The following KIF21A variants were observed in gnomAD, a reference collection of about 807,000 sequenced individuals.
The protein encoded by KIF21A is kinesin family member 21A, also known as kinesin-like protein KIF21A.
A neutral mutation model predicts 202.9 loss-of-function variants in KIF21A; 114 were observed. The ratio of observed to expected loss-of-function variants is 0.56; its 90% CI spans 0.48 to 0.66. The LOEUF is 0.66. KIF21A is among the 30% of genes least tolerant of loss of function. The pLI, the probability that KIF21A is intolerant of heterozygous loss-of-function variation, is 0.00. For synonymous variants in KIF21A, 667 were observed against 670.8 expected (o/e 0.99, Z 0.09); for missense variants, 1,677 against 1,994.9 (o/e 0.84, Z 3.04).
Position 39,441,676 on chromosome 12 carries a change from A to AAAAAAAAAAAAAC in KIF21A, c.44+1250_44+1251insGTTTTTTTTTTTT, listed in dbSNP as rs1041857523. ...CCTGGGTGGTAAAAAAAAAAAAAAA[A>AAAAAAAAAAAAAC]AAAACACTTAAAAACTCATTTTATT... On this transcript the variant is annotated intron_variant, in intron 1 of 37. Transcript: ENST00000361418. Among the ~76,000 whole-genome samples, 16 of 137,374 alleles carry AAAAAAAAAAAAAC rather than the reference A, an allele frequency of 1.2e-4. 1 individual carries two copies. Among genetic ancestry groups the AAAAAAAAAAAAAC allele is most frequent in the African/African-American group, 3.1e-4 (11 of 35,794 alleles). The allele number at this position is 137,374 out of a possible 152,430, so 90.1% of individuals were successfully genotyped here.
At chr12:39,305,023 T>G in intron 34 of KIF21A, 85 bp from the exon 35 acceptor site, 1 of 725,792 alleles carries the variant, frequency 1.4e-6, no homozygotes, top group South Asian at 1.5e-5. Flanking sequence ...ATCTACATTC[T>G]TTCATAAAAT....
At position 39,370,055 on chromosome 12, in the gene KIF21A, ACTGTAGCATTGTATC is replaced by A; in HGVS notation, c.236_250del (p.Gly79_Thr83del). 1 of 1,613,250 alleles carries A rather than the reference ACTGTAGCATTGTATC, an allele frequency of 6.2e-7. No homozygotes were observed. The highest frequency in any genetic ancestry group is 8.5e-7 in the Non-Finnish European group (1 of 1,179,364). ...GGCACTTACTTGTCCATAAGCAAAA[ACTGTAGCATTGTATC>A]CTTCAAAGCAACCTTCAATTAGTTT... On this transcript the variant is annotated inframe_deletion, in exon 2 of 38. Transcript: ENST00000361418.
At chr12:39,346,836 G>T (rs1203551951) in intron 11 of KIF21A, among the ~76,000 whole-genome samples, 1 of 151,592 alleles carries the variant, frequency 6.6e-6, no homozygotes, top group African/African-American at 2.4e-5. Flanking sequence ...TCTGAAGTGG[G>T]TCAATTTACT....
At chr12:39,440,510 C>A (rs528480498) in intron 1 of KIF21A, among the ~76,000 whole-genome samples, 2 of 152,236 alleles carry the variant, frequency 1.3e-5, no homozygotes, top group South Asian at 4.1e-4. Context: ...GCACTAATCC[C>A]GGCACACAGT....
intron 2 of KIF21A, 28 bp from the exon 3 acceptor site, chr12:39,369,939 T>A (rs769730310): frequency 1.2e-6 from 2 of 1,604,014 alleles, no homozygotes; most frequent in Non-Finnish European, 1.7e-6. Flanking sequence ...GAAAGATTAG[T>A]GTTCAACCTT....
At chr12:39,360,072 T>C (rs1000280961) in intron 7 of KIF21A, among the ~76,000 whole-genome samples, 1 of 152,050 alleles carries the variant, frequency 6.6e-6, no homozygotes, top group African/African-American at 2.4e-5. Context: ...TTAAGAAGAA[T>C]AGTGAAAGTC....
At position 39,294,344 on chromosome 12, in the gene KIF21A, G is replaced by GT; in HGVS notation, c.*79dup. 9.6e-7 allele frequency: 1 copy of GT among 1,047,110 alleles called. No individual in the cohort carries two copies. The highest frequency in any genetic ancestry group is 2.4e-5 in the East Asian group (1 of 41,944). 64.9% of individuals were successfully genotyped at this position (1,047,110 alleles called of 1,614,324 possible). A position where few individuals can be genotyped will look rare whatever the true frequency, so the allele number is the denominator to read the frequency against. On this transcript the variant is annotated 3_prime_UTR_variant, in exon 38 of 38. Transcript: ENST00000361418. ...TAATCCGATTCATACGTTTTGCCTA[G>GT]TAAGTACAGGACAACATTTTCCATA...
intron 1 of KIF21A, among the ~76,000 whole-genome samples, chr12:39,436,448 A>ATATATATATATATATATATTTT (rs1387332677): frequency 1.2e-3 from 115 of 95,664 alleles, no homozygotes; most frequent in African/African-American, 2.0e-3. Context: ...ATATATATAT[A>ATATATATATATATATATATTTT]TTTTTTTTTT....
At chr12:39,383,019 T>A (rs931495494) in intron 1 of KIF21A, among the ~76,000 whole-genome samples, 4 of 152,206 alleles carry the variant, frequency 2.6e-5, no homozygotes, top group African/African-American at 4.8e-5. Flanking sequence ...TCTATTACTT[T>A]TAGGACAAAA....
At chr12:39,339,586 A>C (rs1947280251) in intron 16 of KIF21A, among the ~76,000 whole-genome samples, 1 of 152,036 alleles carries the variant, frequency 6.6e-6, no homozygotes, top group Admixed American at 6.5e-5. Context: ...TTTTATTGTT[A>C]TTTTAAGAAA....
chr12:39,336,570 CA>C (rs1946992238), intron 17 of KIF21A, among the ~76,000 whole-genome samples: 1 of 152,242 alleles, frequency 6.6e-6, no homozygotes, highest in African/African-American at 2.4e-5. Flanking sequence ...AAGAATCCTA[CA>C]GTGAAGATTT....
chr12:39,405,781 C>T (rs1369526555), intron 1 of KIF21A, among the ~76,000 whole-genome samples: 3 of 152,114 alleles, frequency 2.0e-5, no homozygotes, highest in African/African-American at 7.2e-5. Flanking sequence ...AAACAGAAGA[C>T]TGCCTGTTCA....
At chr12:39,317,554 G>A (rs1944689855) in intron 29 of KIF21A, among the ~76,000 whole-genome samples, 1 of 152,058 alleles carries the variant, frequency 6.6e-6, no homozygotes, top group Admixed American at 6.6e-5. Flanking sequence ...CTCTCCATCC[G>A]TAAAGGTGAT....
At chr12:39,388,245 A>C (rs961584626) in intron 1 of KIF21A, among the ~76,000 whole-genome samples, 3 of 152,158 alleles carry the variant, frequency 2.0e-5, no homozygotes, top group African/African-American at 7.2e-5. Flanking sequence ...GATTGTTAAA[A>C]AGAGCTTGGA....
chr12:39,424,837 A>G (rs1215099543), intron 1 of KIF21A, among the ~76,000 whole-genome samples: 1 of 152,134 alleles, frequency 6.6e-6, no homozygotes, highest in Non-Finnish European at 1.5e-5. Context: ...ACCGAGCAAC[A>G]AGAGTTATCT....
chr12:39,351,751 A>T lies in KIF21A; in HGVS notation c.1673+26T>A, dbSNP rs1565910861. The T allele has an allele frequency of 2.3e-6, 3 of 1,332,710 alleles. No homozygotes were observed. The Middle Eastern group carries it at 5.9e-4, about 260-fold the overall frequency. The allele number at this position is 1,332,710 out of a possible 1,614,324, so 82.6% of individuals were successfully genotyped here. A position where few individuals can be genotyped will look rare whatever the true frequency, so the allele number is the denominator to read the frequency against. ...TACCCTGAAAAGGAAATAGAGATTC[A>T]TTTAGTGGTGATTTTATAATCCCAC... On this transcript the variant is annotated intron_variant, in intron 11 of 37. Coordinates refer to ENST00000361418, the MANE Select transcript of KIF21A (RefSeq NM_001173464.2).
At chr12:39,373,544 C>A (rs1234747941) in intron 1 of KIF21A, among the ~76,000 whole-genome samples, 1 of 152,098 alleles carries the variant, frequency 6.6e-6, no homozygotes, top group Non-Finnish European at 1.5e-5. Context: ...TAACAAATCC[C>A]ATGTAATAAT....
chr12:39,303,030 G>C lies in KIF21A; in HGVS notation c.4666C>G (p.Leu1556Val). The change falls in exon 36 of 38, where the codon CTA (leucine) becomes GTA (valine). Residue 1556 changes from leucine (L) to valine (V), a missense_variant. Transcript: ENST00000361418. The part of the protein sequence containing the change: ...IEALTIQGDN[L>V]FSGSRDNGIK... ...CCATTATCTCTAGACCCACTAAATA[G>C]GTTATCCCCTTGAATGGTTAGTGCT... 3.7e-6 allele frequency: 6 copies of C among 1,613,910 alleles called. No individual in the cohort carries two copies. Among genetic ancestry groups the C allele is most frequent in the Non-Finnish European group, 5.1e-6 (6 of 1,179,836 alleles).
At chr12:39,360,267 G>A in intron 7 of KIF21A, among the ~76,000 whole-genome samples, 1 of 152,060 alleles carries the variant, frequency 6.6e-6, no homozygotes, top group South Asian at 2.1e-4. Flanking sequence ...CTGCTTTAAA[G>A]AGAACTATAT....
Sources: gnomAD v4.1 joint callset for allele counts (sites outside exome capture counted in the v4.1 genomes callset) on GRCh38, gnomAD v4.1.1 for gene constraint, MANE v1.5 for transcripts, NCBI Gene and HGNC (gene_info 2026-07-23, HGNC 2026-07-21) for gene names.